The following KREMEN1 variants were observed in gnomAD, a reference collection of about 807,000 sequenced individuals.
KREMEN1 encodes kringle containing transmembrane protein 1, also known as kremen protein 1.
A neutral mutation model predicts 46.5 loss-of-function variants in KREMEN1; 30 were observed. The observed-to-expected ratio is 0.65, with a 90% confidence interval of 0.48 to 0.88. KREMEN1 has a LOEUF of 0.88. KREMEN1 is among the 40% of genes least tolerant of loss of function. The pLI is 0.00. For missense variants in KREMEN1, 533 were observed against 596.9 expected (o/e 0.89, Z 1.11); for synonymous variants, 214 against 230.6 (o/e 0.93, Z 0.65).
At chr22:29,164,746 C>CAAAAAAA (rs34444682) in intron 9 of KREMEN1, among the ~76,000 whole-genome samples, 54 of 68,612 alleles carry the variant, frequency 7.9e-4, no homozygotes, top group African/African-American at 3.8e-3. Context: ...AACTCCATCT[C>CAAAAAAA]AAAAAAAAAA....
chr22:29,116,240 T>A (rs1421956752), intron 3 of KREMEN1, among the ~76,000 whole-genome samples: 2 of 152,106 alleles, frequency 1.3e-5, no homozygotes, highest in Non-Finnish European at 2.9e-5. Flanking sequence ...GAAATGGAGA[T>A]AGAATAGGAG....
intron 9 of KREMEN1, among the ~76,000 whole-genome samples, chr22:29,160,539 CAA>C (rs132303): frequency 2.7e-4 from 28 of 103,494 alleles, no homozygotes; most frequent in African/African-American, 6.5e-4. Context: ...GACTCCGTCT[CAA>C]AAAAAAAAAA....
chr22:29,139,869 A>G (rs1479961303), intron 7 of KREMEN1, among the ~76,000 whole-genome samples: 1 of 152,208 alleles, frequency 6.6e-6, no homozygotes, highest in East Asian at 1.9e-4. Flanking sequence ...CCTGTGCGTC[A>G]TTAGGCTGTG....
intron 1 of KREMEN1, among the ~76,000 whole-genome samples, chr22:29,091,957 CGAGT>C (rs1427666582): frequency 6.6e-6 from 1 of 152,078 alleles, no homozygotes; most frequent in Non-Finnish European, 1.5e-5. Flanking sequence ...CGAAGCACAG[CGAGT>C]GAGTAAGGGA....
intron 5 of KREMEN1, among the ~76,000 whole-genome samples, chr22:29,131,556 ATATATGTGTGTGTGTGTGTG>A (rs1370260738): frequency 1.4e-5 from 1 of 72,078 alleles, no homozygotes; most frequent in African/African-American, 6.7e-5. Flanking sequence ...ATATATATAT[ATATATGTGTGTGTGTGTGTG>A]TGTGTGTGTG....
At position 29,153,756 on chromosome 22, in the gene KREMEN1, G is replaced by A. The variant is rs1007819428; in HGVS notation, c.1416+11656G>A. ...AGCACTTTGGGAGGCCGAGGCGGGC[G>A]GATCACCTGAGGTCAGGAATTTGAG... On this transcript the variant is annotated intron_variant, in intron 9 of 9. Transcript: ENST00000327813. Among the ~76,000 whole-genome samples the A allele has an allele frequency of 7.2e-5, 11 of 152,002 alleles. No homozygotes were observed. In the East Asian group the frequency reaches 1.5e-3, roughly 21 times the overall value.
chr22:29,138,557 C>T (rs1232793499), intron 6 of KREMEN1, 67 bp from the exon 7 acceptor site: 1 of 1,473,850 alleles, frequency 6.8e-7, no homozygotes, highest in Non-Finnish European at 9.5e-7. Context: ...AACTCGTGCT[C>T]TCCTCCCGCA....
At chr22:29,089,442 C>T (rs919607260) in intron 1 of KREMEN1, among the ~76,000 whole-genome samples, 1 of 152,152 alleles carries the variant, frequency 6.6e-6, no homozygotes, top group African/African-American at 2.4e-5. Context: ...GTCCACTTCT[C>T]ACCACCCCAC....
chr22:29,164,095 G>A (rs922646684), intron 9 of KREMEN1, among the ~76,000 whole-genome samples: 26 of 152,224 alleles, frequency 1.7e-4, no homozygotes, highest in Admixed American at 3.3e-4. Context: ...GATTACAGGC[G>A]CGCATTGCTG....
In KREMEN1 at chr22:29,142,109, C is replaced by G; in HGVS notation, c.1374C>G (p.Asp458Glu). 1.3e-6 allele frequency: 2 copies of G among 1,595,558 alleles called. No individual in the cohort carries two copies. The highest frequency in any genetic ancestry group is 2.3e-5 in the South Asian group (2 of 87,976). The change falls in exon 9 of 9, where the codon GAC becomes GAG. Residue 458 changes from aspartate to glutamate, a missense_variant. Coordinates refer to ENST00000400335, the MANE Select transcript of KREMEN1 (RefSeq NM_001039570.3). ...ATGACCGCAATCCCCTTGTGAGTGA[C>G]TAAAAACCCCACTGTGCCTAGGACT... is the stretch of plus-strand genomic sequence containing the variant. ...QQDDRNPLVS[D>E]
chr22:29,125,543 C>T, intron 5 of KREMEN1, 127 bp downstream of exon 5: 2 of 950,262 alleles, frequency 2.1e-6, no homozygotes. Flanking sequence ...ATACTTGTGA[C>T]TAGACCCTGG....
rs1429975227 is a variant in KREMEN1 at position 29,142,341 on chromosome 22, C to T, written c.*229C>T. ...TTGCACTTAGGAGAGAGACTCAAAGCCCTGGGGCCCGGCCCTCTCTGCATC... is the reference window on the plus strand; with the variant it reads ...TTGCACTTAGGAGAGAGACTCAAAGTCCTGGGGCCCGGCCCTCTCTGCATC... On this transcript the variant is annotated 3_prime_UTR_variant, in exon 9 of 9. Transcript: ENST00000400335. 1 of 1,226,510 alleles carries T rather than the reference C, an allele frequency of 8.2e-7. No homozygotes were observed. Among genetic ancestry groups the T allele is most frequent in the East Asian group, 3.5e-5 (1 of 28,510 alleles). 76.0% of individuals were successfully genotyped at this position (1,226,510 alleles called of 1,614,324 possible).
At position 29,142,164 on chromosome 22, in the gene KREMEN1, G is replaced by A. The variant is rs543492962; in HGVS notation, c.*52G>A. ...GTCCCTCTTTGAGCTCAAGGCTGCCGTGGTCAACCTCTCCTGTGGTTCTTC... is the reference window on the plus strand; with the variant it reads ...GTCCCTCTTTGAGCTCAAGGCTGCCATGGTCAACCTCTCCTGTGGTTCTTC... On this transcript the variant is annotated 3_prime_UTR_variant, in exon 9 of 9. Transcript: ENST00000400335. The A allele has an allele frequency of 1.3e-4, 187 of 1,488,370 alleles. No homozygotes were observed. The highest frequency in any genetic ancestry group is 8.9e-5 in the Non-Finnish European group (100 of 1,119,178). The allele number at this position is 1,488,370 out of a possible 1,614,324, so 92.2% of individuals were successfully genotyped here. A position where few individuals can be genotyped will look rare whatever the true frequency, so the allele number is the denominator to read the frequency against.
Position 29,137,427 on chromosome 22 carries a change from G to A in KREMEN1, c.717G>A (p.Gly239=), listed in dbSNP as rs780444954. The change falls in exon 6 of 9, where the codon GGG becomes GGA. Residue 239 remains glycine, a synonymous_variant. Coordinates refer to ENST00000400335, the MANE Select transcript of KREMEN1 (RefSeq NM_001039570.3). ...SPDFPDTYAT[G]RVCYWTIRVP... ...ACTTCCCCGACACCTATGCCACGGG[G>A]AGGGTCTGCTACTGGACCATCCGGG... 1.3e-6 allele frequency: 2 copies of A among 1,586,598 alleles called. No homozygotes were observed. The highest frequency in any genetic ancestry group is 1.3e-5 in the African/African-American group (1 of 74,586).
chr22:29,152,853 G>A (rs2038926865), intron 9 of KREMEN1, among the ~76,000 whole-genome samples: 1 of 152,246 alleles, frequency 6.6e-6, no homozygotes, highest in South Asian at 2.1e-4. Flanking sequence ...ACTCAAGAGT[G>A]AGCTGACAGT....
chr22:29,115,040 G>GTT (rs3884763), intron 3 of KREMEN1, among the ~76,000 whole-genome samples: 15,575 of 152,150 alleles, frequency 0.1, 1,125 homozygotes, highest in East Asian at 0.32. Flanking sequence ...AGTGGATGTC[G>GTT]TTAAGTGGTT....
At chr22:29,155,184 T>A in intron 9 of KREMEN1, among the ~76,000 whole-genome samples, 1 of 152,010 alleles carries the variant, frequency 6.6e-6, no homozygotes, top group Non-Finnish European at 1.5e-5. Flanking sequence ...ACCAGCAAAG[T>A]CCTGCAAGTT....
At chr22:29,111,928 A>G (rs1384629839) in intron 3 of KREMEN1, among the ~76,000 whole-genome samples, 1 of 152,228 alleles carries the variant, frequency 6.6e-6, no homozygotes, top group Non-Finnish European at 1.5e-5. Context: ...TTTGGTTACC[A>G]GGACTAGAAC....
intron 9 of KREMEN1, among the ~76,000 whole-genome samples, chr22:29,156,981 G>C (rs1327307138): frequency 6.6e-6 from 1 of 152,204 alleles, no homozygotes; most frequent in Non-Finnish European, 1.5e-5. Context: ...CTCTTCTTCA[G>C]ACAGGTGTTC....
Sources: allele counts gnomAD v4.1 joint callset (sites outside exome capture counted in the v4.1 genomes callset), GRCh38; gene constraint gnomAD v4.1.1; transcripts MANE v1.5; gene names NCBI Gene and HGNC (gene_info 2026-07-23, HGNC 2026-07-21).